The following MTARC1 variants were observed in gnomAD, a reference collection of about 807,000 sequenced individuals.
The protein encoded by MTARC1 is mitochondrial amidoxime-reducing component 1.
In MTARC1, 24 loss-of-function variants were observed where a neutral mutation model predicts 33.6. The observed-to-expected ratio is 0.72, with a 90% confidence interval of 0.52 to 1.01. The LOEUF is 1.01. MTARC1 is among the 50% of genes least tolerant of loss of function. The pLI is 0.00. For synonymous variants in MTARC1, 187 were observed against 189.5 expected, an observed-to-expected ratio of 0.99 and a Z score of 0.11; for missense variants, 417 against 445.7, an observed-to-expected ratio of 0.94 and a Z score of 0.58.
intron 6 of MTARC1, among the ~76,000 whole-genome samples, chr1:220,807,841 T>C (rs957904529): frequency 6.6e-6 from 1 of 152,038 alleles, no homozygotes; most frequent in Admixed American, 6.5e-5. Flanking sequence ...CTGTTTTCCA[T>C]GGCCACAGAG....
chr1:220,798,981 C>T (rs1046504631), intron 4 of MTARC1: 16 of 985,224 alleles, frequency 1.6e-5, no homozygotes, highest in South Asian at 1.4e-4. Context: ...GAAGATGTGA[C>T]GGCTGGTTTC....
At chr1:220,787,352 G>T (rs1041889588) in intron 1 of MTARC1, 133 bp downstream of exon 1, 16 of 1,335,682 alleles carry the variant, frequency 1.2e-5, no homozygotes, top group Non-Finnish European at 1.5e-5. Context: ...CTGGGAGTTG[G>T]GTGAGACAAG....
rs1169982426 is a variant in MTARC1 at position 220,815,311 on chromosome 1, C to G, written c.*1893C>G. 2 of 152,230 alleles carry G rather than the reference C, an allele frequency of 1.3e-5. No homozygotes were observed. Among genetic ancestry groups the G allele is most frequent in the Non-Finnish European group, 2.9e-5 (2 of 68,058 alleles). The allele number at this position is 152,230 out of a possible 1,614,324, so 9.4% of individuals were successfully genotyped here. ...AGAAACCCAAGGTTTGGTGGCTCTTCCTAGGTATTTATAATTAGTGGCAAG... is the reference window on the plus strand; with the variant it reads ...AGAAACCCAAGGTTTGGTGGCTCTTGCTAGGTATTTATAATTAGTGGCAAG... On this transcript the variant is annotated 3_prime_UTR_variant, in exon 7 of 7. Coordinates refer to ENST00000366910, the MANE Select transcript of MTARC1 (RefSeq NM_022746.4).
intron 2 of MTARC1, among the ~76,000 whole-genome samples, chr1:220,791,873 T>C (rs1001368955): frequency 2.6e-5 from 4 of 152,104 alleles, no homozygotes; most frequent in Admixed American, 6.6e-5. Flanking sequence ...GTTGTGGAGA[T>C]GACAGACATG....
chr1:220,801,828 G>C (rs1417050473), intron 4 of MTARC1, among the ~76,000 whole-genome samples: 1 of 152,140 alleles, frequency 6.6e-6, no homozygotes. Context: ...CTGCATGGAA[G>C]TTTCTGGAAA....
chr1:220,793,949 G>A (rs1047814152), intron 2 of MTARC1: 3 of 152,182 alleles, frequency 2.0e-5, no homozygotes, highest in Non-Finnish European at 4.4e-5. Flanking sequence ...CTCGTTGAAA[G>A]GCCTCAAGTT....
chr1:220,794,982 G>A (rs544375386), intron 2 of MTARC1, among the ~76,000 whole-genome samples: 1 of 152,148 alleles, frequency 6.6e-6, no homozygotes, highest in East Asian at 1.9e-4. Flanking sequence ...TGTTAGTAAT[G>A]ACTTCTCATT....
intron 5 of MTARC1, 31 bp from the exon 6 acceptor site, chr1:220,805,172 C>T (rs1259708377): frequency 1.2e-6 from 2 of 1,614,010 alleles, no homozygotes; most frequent in South Asian, 1.1e-5. Context: ...TCTGCTCTGT[C>T]CCCCTTATGA....
Position 220,813,302 on chromosome 1 carries a change from T to C in MTARC1, c.898T>C (p.Cys300Arg), listed in dbSNP as rs1368523067. The change falls in exon 7 of 7, where the codon TGT (cysteine) becomes CGT (arginine). Residue 300 changes from cysteine (C) to arginine (R), a missense_variant. Physicochemically the swap from Cys to Arg is radical, Grantham distance 180 (BLOSUM62 -3). Transcript: ENST00000366910. ...CTTTTCCTATTGCAGTTATCGCCAG[T>C]GTGACCCTTCAGAACGAAAGTTATA... ...PLETLKSYRQ[C>R]DPSERKLYGK... 6.2e-7 allele frequency: 1 copy of C among 1,614,036 alleles called. No homozygotes were observed. Among genetic ancestry groups the C allele is most frequent in the Non-Finnish European group, 8.5e-7 (1 of 1,180,042 alleles).
intron 6 of MTARC1, among the ~76,000 whole-genome samples, chr1:220,805,516 T>G (rs1410144304): frequency 6.6e-6 from 1 of 152,246 alleles, no homozygotes; most frequent in Non-Finnish European, 1.5e-5. Context: ...TAAATCAATG[T>G]TTAAAAATTG....
At chr1:220,808,656 G>T (rs1673041480) in intron 6 of MTARC1, among the ~76,000 whole-genome samples, 1 of 152,190 alleles carries the variant, frequency 6.6e-6, no homozygotes, top group Non-Finnish European at 1.5e-5. Context: ...CGCTCAGCTG[G>T]GAGACCTCTG....
At chr1:220,811,839 C>T (rs1048355523) in intron 6 of MTARC1, among the ~76,000 whole-genome samples, 1 of 152,158 alleles carries the variant, frequency 6.6e-6, no homozygotes, top group African/African-American at 2.4e-5. Context: ...TACTCATGAG[C>T]ATACTAATCC....
rs1397413728 is a variant in MTARC1 at position 220,814,846 on chromosome 1, C to T, written c.*1428C>T. On this transcript the variant is annotated 3_prime_UTR_variant, in exon 7 of 7. Transcript: ENST00000366910. ...GGGTCTTCTGCATAATGGACCTCCT[C>T]ACCCACAGCCTCCCAGGCAAGCACC... is the stretch of plus-strand genomic sequence containing the variant. 1 of 152,218 alleles carries T rather than the reference C, an allele frequency of 6.6e-6. No homozygotes were observed. The highest frequency in any genetic ancestry group is 1.5e-5 in the Non-Finnish European group (1 of 68,038). 9.4% of individuals were successfully genotyped at this position (152,218 alleles called of 1,614,324 possible). A position where few individuals can be genotyped will look rare whatever the true frequency, so the allele number is the denominator to read the frequency against.
chr1:220,788,224 C>T (rs543450477), intron 1 of MTARC1, among the ~76,000 whole-genome samples: 2 of 152,162 alleles, frequency 1.3e-5, no homozygotes, highest in Non-Finnish European at 2.9e-5. Context: ...TGCGTGGATT[C>T]CTGGGGTTCA....
intron 3 of MTARC1, among the ~76,000 whole-genome samples, chr1:220,797,554 C>T (rs577357903): frequency 4.0e-4 from 61 of 152,324 alleles, no homozygotes; most frequent in Non-Finnish European, 7.2e-4. Context: ...GGTCATCAAA[C>T]TCAACCACCT....
intron 1 of MTARC1, among the ~76,000 whole-genome samples, chr1:220,787,643 T>G (rs1432772953): frequency 6.6e-6 from 1 of 151,990 alleles, no homozygotes; most frequent in Non-Finnish European, 1.5e-5. Context: ...AACTGTAGAG[T>G]CCAGCCCTCC....
rs1368434546 is a variant in MTARC1 at position 220,819,148 on chromosome 1, G to T, written c.*5730G>T. ...ATGATGACCTTTGTTATTCCATTAG[G>T]CTCAATTGCTTTAAAAAATGATGTG... is the stretch of plus-strand genomic sequence containing the variant. On this transcript the variant is annotated 3_prime_UTR_variant, in exon 7 of 7. Transcript: ENST00000366910. 6.6e-6 allele frequency: 1 copy of T among 152,124 alleles called. No homozygotes were observed. Among genetic ancestry groups the T allele is most frequent in the Non-Finnish European group, 1.5e-5 (1 of 68,036 alleles). 9.4% of individuals were successfully genotyped at this position (152,124 alleles called of 1,614,324 possible).
At position 220,813,304 on chromosome 1, in the gene MTARC1, T is replaced by C. The variant is rs775538359; in HGVS notation, c.900T>C (p.Cys300=). The C allele has an allele frequency of 6.2e-7, 1 of 1,614,144 alleles. No individual in the cohort carries two copies. Reference sequence around the variant, plus strand: ...TTTCCTATTGCAGTTATCGCCAGTGTGACCCTTCAGAACGAAAGTTATATG... The same window carrying C: ...TTTCCTATTGCAGTTATCGCCAGTGCGACCCTTCAGAACGAAAGTTATATG... ...PLETLKSYRQ[C]DPSERKLYGK... The change falls in exon 7 of 7, where the codon TGT becomes TGC. Residue 300 remains cysteine (C), a synonymous_variant. Coordinates refer to ENST00000366910, the MANE Select transcript of MTARC1 (RefSeq NM_022746.4).
In MTARC1 at chr1:220,801,248, G is replaced by A. The variant is rs569076296; in HGVS notation, c.753+3234G>A. Among the ~76,000 whole-genome samples the A allele has an allele frequency of 7.2e-4, 110 of 152,028 alleles. 1 individual carries two copies. Among genetic ancestry groups the A allele is most frequent in the African/African-American group, 2.6e-3 (109 of 41,480 alleles). On this transcript the variant is annotated intron_variant, in intron 4 of 6. Transcript: ENST00000366910. ...GGCCTTTTTTCTGGGCCCCAGCTGT[G>A]TCCTCTGCCTGGCATATCTTCCCTC...
Sources: allele counts gnomAD v4.1 joint callset (sites outside exome capture counted in the v4.1 genomes callset), GRCh38; gene constraint gnomAD v4.1.1; transcripts MANE v1.5; gene names NCBI Gene and HGNC (gene_info 2026-07-23, HGNC 2026-07-21).